KCNIP1: variants seen among roughly 807,000 people sequenced by gnomAD.
KCNIP1 encodes A-type potassium channel modulatory protein KCNIP1.
In KCNIP1, 18 loss-of-function variants were observed where a neutral mutation model predicts 33.0. The ratio of observed to expected loss-of-function variants is 0.55; its 90% CI spans 0.38 to 0.81. KCNIP1 has a LOEUF of 0.81. Ranked by LOEUF, KCNIP1 falls within the 30% of genes least tolerant of loss-of-function variation. KCNIP1 has a pLI of 0.00. For missense variants in KCNIP1, 238 were observed against 271.6 expected, an observed-to-expected ratio of 0.88 and a Z score of 0.87; for synonymous variants, 93 against 98.3, an observed-to-expected ratio of 0.95 and a Z score of 0.32.
At chr5:170,699,418 C>T (rs897324939) in intron 1 of KCNIP1, among the ~76,000 whole-genome samples, 2 of 152,082 alleles carry the variant, frequency 1.3e-5, no homozygotes, top group Non-Finnish European at 2.9e-5. Flanking sequence ...CATTGCCTCC[C>T]ACCTTCTTGA....
chr5:170,714,864 G>A (rs1763592337), intron 1 of KCNIP1, among the ~76,000 whole-genome samples: 1 of 151,992 alleles, frequency 6.6e-6, no homozygotes, highest in Admixed American at 6.5e-5. Context: ...TAAAGTTAGA[G>A]TAAGCTAAGG....
intron 1 of KCNIP1, among the ~76,000 whole-genome samples, chr5:170,563,698 T>C (rs1326811509): frequency 6.6e-6 from 1 of 152,202 alleles, no homozygotes. Flanking sequence ...TGGAGTGCAA[T>C]GGCACAATCT....
intron 1 of KCNIP1, among the ~76,000 whole-genome samples, chr5:170,371,345 G>T (rs1011157629): frequency 1.3e-5 from 2 of 152,192 alleles, no homozygotes; most frequent in African/African-American, 4.8e-5. Context: ...GACTTCAGAG[G>T]TGTGGCCCCA....
intron 1 of KCNIP1, among the ~76,000 whole-genome samples, chr5:170,568,487 C>T (rs1757274711): frequency 6.6e-6 from 1 of 151,812 alleles, no homozygotes; most frequent in Admixed American, 6.6e-5. Context: ...CCTCCTGAGA[C>T]AGGTGATTCC....
At chr5:170,424,451 C>T (rs1188919188) in intron 1 of KCNIP1, among the ~76,000 whole-genome samples, 1 of 152,092 alleles carries the variant, frequency 6.6e-6, no homozygotes, top group Admixed American at 6.5e-5. Context: ...ACAAGGCTGC[C>T]CGAGAACAAA....
chr5:170,422,267 T>G (rs1469361784), intron 1 of KCNIP1: 2 of 152,258 alleles, frequency 1.3e-5, no homozygotes, highest in African/African-American at 4.8e-5. Context: ...AACTTGGTTC[T>G]GGTCTCAACT....
chr5:170,518,911 GGCTCTGGAGAT>G (rs1256498297), intron 1 of KCNIP1, among the ~76,000 whole-genome samples: 2 of 152,158 alleles, frequency 1.3e-5, no homozygotes, highest in African/African-American at 2.4e-5. Context: ...GGCACATCCT[GGCTCTGGAGAT>G]GTTCTTCTTG....
chr5:170,676,359 G>C (rs1024518802), intron 1 of KCNIP1, among the ~76,000 whole-genome samples: 1 of 152,080 alleles, frequency 6.6e-6, no homozygotes, highest in Non-Finnish European at 1.5e-5. Context: ...AAGAACACAC[G>C]AATCATTTTC....
chr5:170,677,329 G>A, intron 1 of KCNIP1, among the ~76,000 whole-genome samples: 1 of 152,124 alleles, frequency 6.6e-6, no homozygotes, highest in East Asian at 1.9e-4. Flanking sequence ...ATTGTGCTCT[G>A]GACCTCTGTG....
chr5:170,439,012 T>G (rs1392194987), intron 1 of KCNIP1, among the ~76,000 whole-genome samples: 2 of 152,178 alleles, frequency 1.3e-5, no homozygotes, highest in East Asian at 3.9e-4. Context: ...AAGAATCTGT[T>G]GGGAAGAAAA....
chr5:170,693,037 G>A (rs1762772132), intron 1 of KCNIP1, among the ~76,000 whole-genome samples: 2 of 152,158 alleles, frequency 1.3e-5, no homozygotes, highest in Admixed American at 1.3e-4. Flanking sequence ...AGAGAGAACT[G>A]CCCAAGGTTA....
chr5:170,718,679 C>A (rs1763712188), intron 1 of KCNIP1, 79 bp from the exon 2 acceptor site: 4 of 1,572,602 alleles, frequency 2.5e-6, no homozygotes, highest in Admixed American at 1.7e-5. Flanking sequence ...TGACACCACT[C>A]TTTTGACAGC....
chr5:170,441,951 CAAAAAAAAAAAAAAA>C (rs34610945), intron 1 of KCNIP1, among the ~76,000 whole-genome samples: 10,679 of 72,726 alleles, frequency 0.15, 636 homozygotes, highest in Middle Eastern at 0.26. Flanking sequence ...GACTCCATCT[CAAAAAAAAAAAAAAA>C]AAAAAAAAAG....
chr5:170,650,610 A>G (rs971913466), intron 1 of KCNIP1, among the ~76,000 whole-genome samples: 4 of 152,262 alleles, frequency 2.6e-5, no homozygotes, highest in Non-Finnish European at 5.9e-5. Flanking sequence ...GACTATTACA[A>G]ATAAAGCTAC....
intron 1 of KCNIP1, among the ~76,000 whole-genome samples, chr5:170,541,426 G>A (rs1329171176): frequency 6.6e-6 from 1 of 152,202 alleles, no homozygotes; most frequent in Non-Finnish European, 1.5e-5. Context: ...CAAACAGTGA[G>A]TGCTACCAGC....
At chr5:170,530,908 C>G (rs1283633158) in intron 1 of KCNIP1, among the ~76,000 whole-genome samples, 2 of 152,148 alleles carry the variant, frequency 1.3e-5, no homozygotes, top group Non-Finnish European at 2.9e-5. Flanking sequence ...ATAGTGGGGT[C>G]TTTCCTGCAG....
chr5:170,399,791 T>C (rs1754852358), intron 1 of KCNIP1, among the ~76,000 whole-genome samples: 1 of 152,234 alleles, frequency 6.6e-6, no homozygotes, highest in Non-Finnish European at 1.5e-5. Context: ...TACTATTTCC[T>C]CTTCTGAGAC....
chr5:170,719,474 T>C (rs569833814), intron 2 of KCNIP1, among the ~76,000 whole-genome samples: 1 of 152,330 alleles, frequency 6.6e-6, no homozygotes, highest in Non-Finnish European at 1.5e-5. Flanking sequence ...GTTTGAGAGC[T>C]CTCAGATACA....
rs1163083696 is a variant in KCNIP1 at position 170,490,582 on chromosome 5, G to A, written c.88+136618G>A. ...ACATTGTCCTGTGGTTCCCTAAGAT[G>A]TTACCACTGGGGGAAACTGGGTGAA... is the stretch of plus-strand genomic sequence containing the variant. On this transcript the variant is annotated intron_variant, in intron 1 of 7. Transcript: ENST00000377360. 3.9e-5 allele frequency among the ~76,000 whole-genome samples: 6 copies of A among 152,172 alleles called. No homozygotes were observed. In the East Asian group the frequency reaches 5.8e-4, roughly 15 times the overall value.
Sources: gnomAD v4.1 joint callset for allele counts (sites outside exome capture counted in the v4.1 genomes callset) on GRCh38, gnomAD v4.1.1 for gene constraint, MANE v1.5 for transcripts, NCBI Gene and HGNC (gene_info 2026-07-23, HGNC 2026-07-21) for gene names.